USP8: variants seen among roughly 807,000 people sequenced by gnomAD.
USP8 encodes the protein ubiquitin carboxyl-terminal hydrolase 8.
USP8 carries 27 observed loss-of-function variants against 130.0 expected under a neutral mutation model. That is an observed-to-expected ratio of 0.21 (90% CI 0.15 to 0.29). The LOEUF (loss-of-function observed/expected upper bound fraction) is 0.29. Ranked by LOEUF, USP8 falls within the 10% of genes least tolerant of loss-of-function variation. The pLI is 1.00. For missense variants in USP8, 1,029 were observed against 1,312.2 expected (o/e 0.78, Z 3.33); for synonymous variants, 392 against 444.1 (o/e 0.88, Z 1.48).
chr15:50,465,309 C>A, intron 7 of USP8, 118 bp downstream of exon 7: 2 of 574,300 alleles, frequency 3.5e-6, no homozygotes, highest in Non-Finnish European at 4.8e-6. Context: ...TTCCTGGTAA[C>A]TTTTTAAATC....
chr15:50,490,590 C>A, intron 14 of USP8, 65 bp downstream of exon 14: 1 of 1,558,546 alleles, frequency 6.4e-7, no homozygotes, highest in Non-Finnish European at 8.6e-7. Flanking sequence ...TACTCTGAAT[C>A]TGTCAGTATG....
At position 50,490,237 on chromosome 15, in the gene USP8, G is replaced by T. The variant is rs78836299; in HGVS notation, c.1972-26G>T. The T allele has an allele frequency of 1.1e-3, 1,302 of 1,229,418 alleles. 7 individuals carry two copies. In the African/African-American group the frequency reaches 0.019, roughly 18 times the overall value. 76.2% of individuals were successfully genotyped at this position (1,229,418 alleles called of 1,614,324 possible). A position where few individuals can be genotyped will look rare whatever the true frequency, so the allele number is the denominator to read the frequency against. Reference sequence around the variant, plus strand: ...AATGCTTATTTTTGTTTTTTGACCTGTTTTTTTTTTTCTTTTCCATCTAAG... The same window carrying T: ...AATGCTTATTTTTGTTTTTTGACCTTTTTTTTTTTTTCTTTTCCATCTAAG... On this transcript the variant is annotated intron_variant, in intron 13 of 19. Transcript: ENST00000307179.
At chr15:50,464,956 C>T in intron 6 of USP8, 91 bp from the exon 7 acceptor site, 1 of 1,438,952 alleles carries the variant, frequency 6.9e-7, no homozygotes, top group South Asian at 1.3e-5. Flanking sequence ...ATACTTTGCT[C>T]TTCTAGAAAA....
intron 4 of USP8, chr15:50,458,438 C>A (rs2050865810): frequency 6.5e-6 from 1 of 154,086 alleles, no homozygotes; most frequent in African/African-American, 2.4e-5. Context: ...ATGTGAGCCA[C>A]CGCACCCAGC....
chr15:50,500,935 T>C lies in USP8; in HGVS notation c.*1847T>C. On this transcript the variant is annotated 3_prime_UTR_variant, in exon 20 of 20. Transcript: ENST00000307179. Reference sequence around the variant, plus strand: ...CAAGAGATGCTTTTTAAATTGTCCCTTATTCTAAATTAAAAGGAAGTGATA... The same window carrying C: ...CAAGAGATGCTTTTTAAATTGTCCCCTATTCTAAATTAAAAGGAAGTGATA... The C allele has an allele frequency of 3.0e-6, 3 of 991,670 alleles. No individual in the cohort carries two copies. Among genetic ancestry groups the C allele is most frequent in the Non-Finnish European group, 4.6e-6 (3 of 651,190 alleles). 61.4% of individuals were successfully genotyped at this position (991,670 alleles called of 1,614,324 possible).
At chr15:50,493,104 G>A (rs770868020) in intron 15 of USP8, 191 bp downstream of exon 15, 6 of 678,362 alleles carry the variant, frequency 8.8e-6, no homozygotes, top group African/African-American at 5.3e-5. Context: ...CATCTGGTGC[G>A]CTTTTTTGCT....
In USP8 at chr15:50,511,880, C is replaced by T. The variant is rs2052742559; in HGVS notation, c.*12792C>T. 6.6e-6 allele frequency: 1 copy of T among 152,164 alleles called. No homozygotes were observed. The highest frequency in any genetic ancestry group is 2.1e-4 in the South Asian group (1 of 4,832). The allele number at this position is 152,164 out of a possible 1,614,324, so 9.4% of individuals were successfully genotyped here. A position where few individuals can be genotyped will look rare whatever the true frequency, so the allele number is the denominator to read the frequency against. The stretch of plus-strand genomic sequence containing the variant: ...GGGCATGGTGGTGCACACCTGTGGT[C>T]CCAGCTACTCGAGGGAGGGAGGAGG... On this transcript the variant is annotated 3_prime_UTR_variant, in exon 20 of 20. Coordinates refer to ENST00000307179, the MANE Select transcript of USP8 (RefSeq NM_005154.5).
At chr15:50,495,105 C>T (rs2052325410) in intron 16 of USP8, among the ~76,000 whole-genome samples, 1 of 151,476 alleles carries the variant, frequency 6.6e-6, no homozygotes, top group South Asian at 2.1e-4. Flanking sequence ...ACATAAATGA[C>T]CACCCTCCAT....
In USP8 at chr15:50,505,914, T is replaced by C. The variant is rs2052651657; in HGVS notation, c.*6826T>C. ...AAAACTGTAGTGAGCTATGATTCAT[T>C]GCACTAGTGCACTCCAGTCTGGGCA... On this transcript the variant is annotated 3_prime_UTR_variant, in exon 20 of 20. Coordinates refer to ENST00000307179, the MANE Select transcript of USP8 (RefSeq NM_005154.5). 6.6e-6 allele frequency: 1 copy of C among 152,260 alleles called. No homozygotes were observed. Among genetic ancestry groups the C allele is most frequent in the Admixed American group, 6.5e-5 (1 of 15,274 alleles). The allele number at this position is 152,260 out of a possible 1,614,324, so 9.4% of individuals were successfully genotyped here.
At position 50,497,190 on chromosome 15, in the gene USP8, A is replaced by T; in HGVS notation, c.2997A>T (p.Glu999Asp). The change falls in exon 18 of 20, where the codon GAA becomes GAT. Residue 999 changes from glutamate (E) to aspartate (D), a missense_variant. Coordinates refer to ENST00000307179, the MANE Select transcript of USP8 (RefSeq NM_005154.5). The part of the protein sequence containing the change: ...RARRDSLKKI[E>D]IWKLPPVLLV... ...GACGGGATTCTCTAAAAAAGATAGA[A>T]ATCTGGAAGTTACCACCTGTGCTTT... 6.2e-7 allele frequency: 1 copy of T among 1,611,260 alleles called. No homozygotes were observed. Among genetic ancestry groups the T allele is most frequent in the Non-Finnish European group, 8.5e-7 (1 of 1,178,922 alleles).
chr15:50,458,272 T>C (rs3098167), intron 4 of USP8, among the ~76,000 whole-genome samples: 76,583 of 151,990 alleles, frequency 0.5, 19,471 homozygotes, highest in East Asian at 0.58. Context: ...CTGCCTCAGC[T>C]TCCCAAGTAG....
intron 4 of USP8, among the ~76,000 whole-genome samples, chr15:50,455,024 A>G (rs978198965): frequency 7.0e-6 from 1 of 143,076 alleles, no homozygotes; most frequent in African/African-American, 2.5e-5. Context: ...TTACTTTGTC[A>G]TCTCCAATTT....
Position 50,500,225 on chromosome 15 carries a change from C to T in USP8, c.*1137C>T, listed in dbSNP as rs1234023452. On this transcript the variant is annotated 3_prime_UTR_variant, in exon 20 of 20. Transcript: ENST00000307179. ...TTACAATTAGTCTAAGAGACCACTT[C>T]TTGGCTAAATTATTATATCAAATAT... 1 of 152,238 alleles carries T rather than the reference C, an allele frequency of 6.6e-6. No homozygotes were observed. Among genetic ancestry groups the T allele is most frequent in the African/African-American group, 2.4e-5 (1 of 41,452 alleles). The allele number at this position is 152,238 out of a possible 1,614,324, so 9.4% of individuals were successfully genotyped here.
Position 50,469,955 on chromosome 15 carries a change from C to G in USP8, c.687-1678C>G, listed in dbSNP as rs2051323430. Among the ~76,000 whole-genome samples, 3 of 152,006 alleles carry G rather than the reference C, an allele frequency of 2.0e-5. No individual in the cohort carries two copies. The South Asian group carries it at 6.2e-4, about 32-fold the overall frequency. ...CAAGCTATTCTCCTGCCTCAGCCTC[C>G]TGAGTAGCTGAGACTCCAGTCATGC... On this transcript the variant is annotated intron_variant, in intron 7 of 19. Transcript: ENST00000307179.
chr15:50,459,485 A>G (rs1329776675), intron 5 of USP8, among the ~76,000 whole-genome samples: 2 of 152,054 alleles, frequency 1.3e-5, no homozygotes, highest in South Asian at 2.1e-4. Flanking sequence ...TCGAGAGGCT[A>G]AAGTAGGAGA....
intron 4 of USP8, among the ~76,000 whole-genome samples, chr15:50,458,291 A>G (rs1595931308): frequency 6.6e-6 from 1 of 152,270 alleles, no homozygotes; most frequent in Non-Finnish European, 1.5e-5. Flanking sequence ...AGCTGGGATT[A>G]CAGACATGCA....
At chr15:50,447,184 T>A (rs2050470394) in intron 3 of USP8, among the ~76,000 whole-genome samples, 1 of 152,260 alleles carries the variant, frequency 6.6e-6, no homozygotes, top group African/African-American at 2.4e-5. Context: ...CTTCATATGC[T>A]CCAGGTTGTA....
chr15:50,443,213 GT>G (rs1397078945), intron 3 of USP8, among the ~76,000 whole-genome samples: 2 of 151,720 alleles, frequency 1.3e-5, no homozygotes, highest in Non-Finnish European at 2.9e-5. Flanking sequence ...TAATTTTTTT[GT>G]ATCTTTAGTA....
intron 8 of USP8, among the ~76,000 whole-genome samples, chr15:50,472,212 GA>G (rs1357469764): frequency 6.6e-6 from 1 of 151,918 alleles, no homozygotes; most frequent in Non-Finnish European, 1.5e-5. Context: ...ATCATGCTTT[GA>G]TTGTAGAATT....
Sources: allele counts gnomAD v4.1 joint callset (sites outside exome capture counted in the v4.1 genomes callset), GRCh38; gene constraint gnomAD v4.1.1; transcripts MANE v1.5; gene names NCBI Gene and HGNC (gene_info 2026-07-23, HGNC 2026-07-21).